Variants in SPAG16 observed in about 807,000 individuals in gnomAD.
SPAG16 encodes the protein sperm-associated antigen 16 protein.
A neutral mutation model predicts 80.4 loss-of-function variants in SPAG16; 86 were observed. The observed-to-expected ratio is 1.07, with a 90% CI of 0.90 to 1.28. SPAG16 has a LOEUF of 1.28. SPAG16 is among the 50% of genes most tolerant of loss of function. The pLI, the probability that SPAG16 is intolerant of heterozygous loss-of-function variation, is 0.00. For synonymous variants in SPAG16, 294 were observed against 265.9 expected, an observed-to-expected ratio of 1.11 and a Z score of -1.03; for missense variants, 870 against 765.3, an observed-to-expected ratio of 1.14 and a Z score of -1.61.
At chr2:213,803,541 A>G (rs1377679724) in intron 10 of SPAG16, among the ~76,000 whole-genome samples, 1 of 152,176 alleles carries the variant, frequency 6.6e-6, no homozygotes, top group Admixed American at 6.5e-5. Context: ...GATTTTTTTA[A>G]AAGAAAAAAA....
intron 15 of SPAG16, among the ~76,000 whole-genome samples, chr2:214,193,335 A>G (rs1272856787): frequency 1.3e-5 from 2 of 151,614 alleles, no homozygotes; most frequent in Non-Finnish European, 2.9e-5. Context: ...ATACTCATCC[A>G]ATTAAAATTT....
At chr2:213,844,729 T>C (rs1235922855) in intron 10 of SPAG16, among the ~76,000 whole-genome samples, 1 of 152,218 alleles carries the variant, frequency 6.6e-6, no homozygotes, top group Non-Finnish European at 1.5e-5. Flanking sequence ...TTCATAGTTA[T>C]AGCCAGTTTT....
intron 9 of SPAG16, among the ~76,000 whole-genome samples, chr2:213,483,999 T>C (rs1475288556): frequency 3.3e-5 from 5 of 152,184 alleles, no homozygotes; most frequent in Non-Finnish European, 7.4e-5. Context: ...AAATAAGAAG[T>C]TTAGTCAAGA....
At chr2:213,576,195 C>T (rs933233136) in intron 10 of SPAG16, among the ~76,000 whole-genome samples, 14 of 152,118 alleles carry the variant, frequency 9.2e-5, no homozygotes, top group African/African-American at 3.4e-4. Flanking sequence ...TTCCCCATTG[C>T]TTGTTTTTGT....
Position 214,410,487 on chromosome 2 carries a change from AT to A in SPAG16, c.*173del. On this transcript the variant is annotated 3_prime_UTR_variant, in exon 16 of 16. Coordinates refer to ENST00000331683, the MANE Select transcript of SPAG16 (RefSeq NM_024532.5). ...TGCTCATACTGTTACTAATAAAAAA[AT>A]AACTTTATGCTCACCCATTTGTGTC... The A allele has an allele frequency of 2.0e-6, 1 of 505,340 alleles. No individual in the cohort carries two copies. Among genetic ancestry groups the A allele is most frequent in the Non-Finnish European group, 3.3e-6 (1 of 305,688 alleles). The allele number at this position is 505,340 out of a possible 1,614,324, so 31.3% of individuals were successfully genotyped here.
chr2:213,790,537 T>G (rs1226408747), intron 10 of SPAG16, among the ~76,000 whole-genome samples: 1 of 151,906 alleles, frequency 6.6e-6, no homozygotes, highest in Non-Finnish European at 1.5e-5. Context: ...GTACTTATAT[T>G]TTCATTAATA....
intron 11 of SPAG16, among the ~76,000 whole-genome samples, chr2:213,921,043 T>G (rs867382784): frequency 1.3e-5 from 2 of 152,194 alleles, no homozygotes; most frequent in African/African-American, 2.4e-5. Flanking sequence ...ATTAGTCCCC[T>G]GCCTGGTAGC....
intron 4 of SPAG16, among the ~76,000 whole-genome samples, chr2:213,310,464 A>T (rs544762387): frequency 1.3e-5 from 2 of 151,954 alleles, no homozygotes; most frequent in Admixed American, 6.6e-5. Flanking sequence ...AAGACACTTG[A>T]ATATCTCCTG....
At chr2:213,693,168 G>A (rs1218229871) in intron 10 of SPAG16, among the ~76,000 whole-genome samples, 2 of 152,180 alleles carry the variant, frequency 1.3e-5, no homozygotes, top group East Asian at 1.9e-4. Flanking sequence ...TCCTGAACTT[G>A]AGCATCTTAC....
chr2:213,432,695 C>T, intron 9 of SPAG16, among the ~76,000 whole-genome samples: 1 of 152,108 alleles, frequency 6.6e-6, no homozygotes, highest in Admixed American at 6.5e-5. Context: ...GAAACCCATC[C>T]TCCAGAAACT....
chr2:214,360,755 A>G (rs1261119079), intron 15 of SPAG16, among the ~76,000 whole-genome samples: 1 of 151,836 alleles, frequency 6.6e-6, no homozygotes, highest in Non-Finnish European at 1.5e-5. Context: ...TAAACTGACA[A>G]TAGACAAATT....
chr2:214,279,085 CAG>C (rs1234012471), intron 15 of SPAG16, among the ~76,000 whole-genome samples: 4 of 149,710 alleles, frequency 2.7e-5, no homozygotes, highest in Non-Finnish European at 4.4e-5. Context: ...CAAAAACAAA[CAG>C]AATATATGAA....
At chr2:213,330,838 G>A (rs75124376) in intron 5 of SPAG16, among the ~76,000 whole-genome samples, 13,217 of 152,180 alleles carry the variant, frequency 0.087, 1,445 homozygotes, top group African/African-American at 0.26. Context: ...GGTCTTTCTC[G>A]TGCTGTTCTT....
At chr2:213,953,789 A>G (rs1271452621) in intron 12 of SPAG16, among the ~76,000 whole-genome samples, 1 of 152,008 alleles carries the variant, frequency 6.6e-6, no homozygotes, top group Non-Finnish European at 1.5e-5. Context: ...TTATCAGGAT[A>G]AAAAGGCATC....
chr2:213,427,881 A>G (rs1168183565), intron 9 of SPAG16, among the ~76,000 whole-genome samples: 2 of 151,180 alleles, frequency 1.3e-5, no homozygotes, highest in East Asian at 3.9e-4. Context: ...GTGTAGATTT[A>G]ATTTTCTTTG....
intron 10 of SPAG16, among the ~76,000 whole-genome samples, chr2:213,705,865 T>TA (rs1398828767): frequency 3.9e-5 from 6 of 152,126 alleles, no homozygotes; most frequent in Admixed American, 6.5e-5. Flanking sequence ...GTTTTCTTTT[T>TA]AAAAATCCTA....
intron 10 of SPAG16, among the ~76,000 whole-genome samples, chr2:213,736,773 C>T (rs1253562544): frequency 2.7e-5 from 4 of 150,032 alleles, no homozygotes; most frequent in South Asian, 2.1e-4. Context: ...GGCGAGATCT[C>T]GGCTTGCTGC....
chr2:213,382,997 G>A (rs1299393998), intron 9 of SPAG16, among the ~76,000 whole-genome samples: 2 of 152,062 alleles, frequency 1.3e-5, no homozygotes, highest in Non-Finnish European at 2.9e-5. Context: ...ACAAGTAGTA[G>A]AGGGTATTTT....
At chr2:213,801,113 A>G (rs2071367085) in intron 10 of SPAG16, among the ~76,000 whole-genome samples, 1 of 152,224 alleles carries the variant, frequency 6.6e-6, no homozygotes, top group Non-Finnish European at 1.5e-5. Context: ...GTAAGTGTTC[A>G]TATGTCTTCA....
Sources: allele counts gnomAD v4.1 joint callset (sites outside exome capture counted in the v4.1 genomes callset), GRCh38; gene constraint gnomAD v4.1.1; transcripts MANE v1.5; gene names NCBI Gene and HGNC (gene_info 2026-07-23, HGNC 2026-07-21).